BRPF3: variants seen among roughly 807,000 people sequenced by gnomAD.
BRPF3 encodes the protein bromodomain and PHD finger-containing protein 3.
In BRPF3, 18 loss-of-function variants were observed where a neutral mutation model predicts 102.0. The ratio of observed to expected loss-of-function variants is 0.18; its 90% CI spans 0.12 to 0.26. The LOEUF (loss-of-function observed/expected upper bound fraction) is 0.26. Among genes scored for constraint, BRPF3 ranks in the 10% least tolerant of loss-of-function variants. The pLI, the probability that BRPF3 is intolerant of heterozygous loss-of-function variation, is 1.00. For synonymous variants in BRPF3, 570 were observed against 614.2 expected, an observed-to-expected ratio of 0.93 and a Z score of 1.06; for missense variants, 1,147 against 1,567.8, an observed-to-expected ratio of 0.73 and a Z score of 4.53.
intron 8 of BRPF3, 32 bp from the exon 9 acceptor site, chr6:36,217,883 CTG>C: frequency 6.3e-7 from 1 of 1,598,244 alleles, no homozygotes; most frequent in Non-Finnish European, 8.6e-7. Context: ...AGGGGGATTT[CTG>C]CACTCAGACT....
intron 1 of BRPF3, among the ~76,000 whole-genome samples, chr6:36,198,291 A>C (rs1158402404): frequency 6.6e-6 from 1 of 152,236 alleles, no homozygotes; most frequent in Non-Finnish European, 1.5e-5. Flanking sequence ...CCTTATTAAC[A>C]AGTAGCACCT....
intron 10 of BRPF3, among the ~76,000 whole-genome samples, chr6:36,223,073 A>G (rs1561833377): frequency 6.6e-6 from 1 of 152,118 alleles, no homozygotes; most frequent in East Asian, 1.9e-4. Flanking sequence ...CCTGGGGGAG[A>G]GGCCTGGGGT....
Position 36,214,146 on chromosome 6 carries a change from G to A in BRPF3, c.2749G>A (p.Gly917Ser), listed in dbSNP as rs374697575. The A allele has an allele frequency of 5.9e-5, 96 of 1,614,070 alleles. No homozygotes were observed. The highest frequency in any genetic ancestry group is 7.3e-5 in the Non-Finnish European group (86 of 1,180,038). ...LSLMAPDTPA[G>S]TPLSGVGRRT... ...CCTCATGGCCCCTGACACCCCGGCCGGTACCCCACTTAGTGGTGTGGGTCG... is the reference window on the plus strand; with the variant it reads ...CCTCATGGCCCCTGACACCCCGGCCAGTACCCCACTTAGTGGTGTGGGTCG... Residue 917 changes from glycine to serine, a missense_variant, in exon 8 of 13, where the codon GGT becomes AGT. Physicochemically the swap from Gly to Ser is moderately conservative, Grantham distance 56. Coordinates refer to ENST00000357641, the MANE Select transcript of BRPF3 (RefSeq NM_015695.3).
At chr6:36,203,738 A>G (rs1054060956) in intron 2 of BRPF3, among the ~76,000 whole-genome samples, 1 of 152,354 alleles carries the variant, frequency 6.6e-6, no homozygotes, top group East Asian at 1.9e-4. Flanking sequence ...CCACAAGAGC[A>G]CTGAGGCCTT....
At position 36,207,497 on chromosome 6, in the gene BRPF3, C is replaced by T. The variant is rs919413381; in HGVS notation, c.1737+53C>T. ...CCTAGTTCAAGGCCACTTTCTCCCA[C>T]TATTAGTCTAGTATTGGGAAATCTG... On this transcript the variant is annotated intron_variant, in intron 4 of 12. Transcript: ENST00000357641. 1.9e-6 allele frequency: 3 copies of T among 1,598,158 alleles called. No homozygotes were observed. In the African/African-American group the frequency reaches 4.0e-5, roughly 22 times the overall value.
chr6:36,226,587 G>A (rs1047212135), intron 11 of BRPF3, among the ~76,000 whole-genome samples: 4 of 152,058 alleles, frequency 2.6e-5, no homozygotes, highest in Non-Finnish European at 4.4e-5. Context: ...GCCAGGGTTG[G>A]GAACCACCCC....
At position 36,209,813 on chromosome 6, in the gene BRPF3, G is replaced by A; in HGVS notation, c.1764G>A (p.Glu588=). ...TCAAAGTCCAGCAGGCTGCCATGGA[G>A]CTGGAGCTGATGCCATTCAATGTTC... The part of the protein sequence containing the change: ...EQVKVQQAAM[E]LELMPFNVLL... Residue 588 remains glutamate, a synonymous_variant, in exon 5 of 13, where the codon GAG becomes GAA. Coordinates refer to ENST00000357641, the MANE Select transcript of BRPF3 (RefSeq NM_015695.3). 2 of 1,614,208 alleles carry A rather than the reference G, an allele frequency of 1.2e-6. No individual in the cohort carries two copies. The highest frequency in any genetic ancestry group is 1.7e-6 in the Non-Finnish European group (2 of 1,180,030).
In BRPF3 at chr6:36,207,305, T is replaced by A; in HGVS notation, c.1606-8T>A. Reference sequence around the variant, plus strand: ...GGTTCCTAGTCCCTCTTCTCTTCCCTCCTGTAGCGAGAGCAGGATGAGAAG... The same window carrying A: ...GGTTCCTAGTCCCTCTTCTCTTCCCACCTGTAGCGAGAGCAGGATGAGAAG... On this transcript the variant is annotated splice_region_variant and splice_polypyrimidine_tract_variant and intron_variant, in intron 3 of 12. Transcript: ENST00000357641. 1.2e-6 allele frequency: 2 copies of A among 1,613,068 alleles called. No homozygotes were observed. The highest frequency in any genetic ancestry group is 1.7e-6 in the Non-Finnish European group (2 of 1,179,532).
rs1198082892 is a variant in BRPF3 at position 36,201,574 on chromosome 6, G to A, written c.1252G>A (p.Gly418Arg). 10 of 1,613,996 alleles carry A rather than the reference G, an allele frequency of 6.2e-6. No individual in the cohort carries two copies. Among genetic ancestry groups the A allele is most frequent in the Non-Finnish European group, 8.5e-6 (10 of 1,179,920 alleles). The change falls in exon 2 of 13, where the codon GGA becomes AGA. Residue 418 changes from glycine (G) to arginine (R), a missense_variant. Transcript: ENST00000357641. This position sits in a 1 kb window ranked among gnomAD's most constrained non-coding sequence, Gnocchi z 5.1. ...TGAGGAAGGGCTGAAGGAGGGTGAT[G>A]GAGAGGAGGAAGAAGAGGAAGAGGT... is the stretch of plus-strand genomic sequence containing the variant. ...GDEEGLKEGD[G>R]EEEEEEEVEE...
chr6:36,213,733 C>A, intron 7 of BRPF3, 147 bp from the exon 8 acceptor site: 2 of 813,078 alleles, frequency 2.5e-6, no homozygotes, highest in Non-Finnish European at 3.9e-6. Context: ...ATCCTCCTTT[C>A]TCTTTGCTTC....
Position 36,209,838 on chromosome 6 carries a change from C to A in BRPF3, c.1789C>A (p.Leu597Met), listed in dbSNP as rs758150945. 6.2e-7 allele frequency: 1 copy of A among 1,614,190 alleles called. No individual in the cohort carries two copies. Among genetic ancestry groups the A allele is most frequent in the Non-Finnish European group, 8.5e-7 (1 of 1,180,022 alleles). The change falls in exon 5 of 13, where the codon CTG (leucine) becomes ATG (methionine). Residue 597 changes from leucine to methionine, a missense_variant. This residue lies in a region of BRPF3 where 44 missense variants were observed against 38.6 expected (regional missense o/e 1.14). Coordinates refer to ENST00000357641, the MANE Select transcript of BRPF3 (RefSeq NM_015695.3). Reference protein sequence around the residue: ...MELELMPFNVLLRTTLDLLQE... With the variant: ...MELELMPFNVMLRTTLDLLQE... ...GCTGGAGCTGATGCCATTCAATGTT[C>A]TGTTGAGGACAACACTGGACCTGCT... is the stretch of plus-strand genomic sequence containing the variant.
In BRPF3 at chr6:36,230,931, T is replaced by C; in HGVS notation, c.*322T>C. The C allele has an allele frequency of 3.3e-6, 1 of 304,334 alleles. No homozygotes were observed. The highest frequency in any genetic ancestry group is 6.2e-6 in the Non-Finnish European group (1 of 160,966). The allele number at this position is 304,334 out of a possible 1,614,324, so 18.9% of individuals were successfully genotyped here. A position where few individuals can be genotyped will look rare whatever the true frequency, so the allele number is the denominator to read the frequency against. ...AGATGGCAAGAGGTCCTGGGCTCCT[T>C]CTTGAGGGGCTGCCTGGCCCGCTCC... On this transcript the variant is annotated 3_prime_UTR_variant, in exon 13 of 13. Coordinates refer to ENST00000357641, the MANE Select transcript of BRPF3 (RefSeq NM_015695.3). The surrounding 1 kb of genome is among the most constrained non-coding windows in gnomAD (Gnocchi z 5.4).
chr6:36,207,585 A>T (rs2127281300), intron 4 of BRPF3, 141 bp downstream of exon 4: 1 of 1,184,652 alleles, frequency 8.4e-7, no homozygotes, highest in South Asian at 1.7e-5. Flanking sequence ...AGGCTCCAAG[A>T]TCTGCCTACT....
chr6:36,213,717 A>G (rs1057316055), intron 7 of BRPF3, 163 bp from the exon 8 acceptor site: 3 of 793,226 alleles, frequency 3.8e-6, no homozygotes, highest in Non-Finnish European at 6.0e-6. Context: ...AAAAAAAAAA[A>G]ACCTAATCCT....
chr6:36,206,382 G>A (rs985967031), intron 3 of BRPF3, among the ~76,000 whole-genome samples: 6 of 152,120 alleles, frequency 3.9e-5, no homozygotes, highest in Admixed American at 6.5e-5. Flanking sequence ...GAGGAGCAAG[G>A]CCTAGGTGAG....
rs1202197699 is a variant in BRPF3, at chr6:36,214,443, G to A, written c.2989+57G>A. On this transcript the variant is annotated intron_variant, in intron 8 of 12. Transcript: ENST00000357641. ...CGCATCTGCTTTTCTGCTTTGCCTT[G>A]CCAACCAGCACCTTCCCCAATTGGC... is the stretch of plus-strand genomic sequence containing the variant. 10 of 1,498,984 alleles carry A rather than the reference G, an allele frequency of 6.7e-6. No individual in the cohort carries two copies. The Admixed American group carries it at 2.2e-4, about 33-fold the overall frequency. The allele number at this position is 1,498,984 out of a possible 1,614,324, so 92.9% of individuals were successfully genotyped here.
intron 3 of BRPF3, 117 bp downstream of exon 3, chr6:36,204,931 C>G (rs1399765273): frequency 7.1e-7 from 1 of 1,401,962 alleles, no homozygotes; most frequent in African/African-American, 1.4e-5. Context: ...CTTTGCCTAC[C>G]TGTCTGGGTG....
chr6:36,210,146 G>C lies in BRPF3; in HGVS notation c.1867-70G>C, dbSNP rs1768049243. The C allele has an allele frequency of 6.4e-7, 1 of 1,565,844 alleles. No homozygotes were observed. Among genetic ancestry groups the C allele is most frequent in the Non-Finnish European group, 8.8e-7 (1 of 1,137,982 alleles). On this transcript the variant is annotated intron_variant, in intron 5 of 12. Coordinates refer to ENST00000357641, the MANE Select transcript of BRPF3 (RefSeq NM_015695.3). This position sits in a 1 kb window ranked among gnomAD's most constrained non-coding sequence, Gnocchi z 4.7. ...AAATCAGAAATTGAGGAGGCCAAGA[G>C]TATTGGTGAAGGGTGTGTCTGTTTG...
chr6:36,198,916 A>G lies in BRPF3; in HGVS notation c.-26-1381A>G, dbSNP rs989501038. Among the ~76,000 whole-genome samples the G allele has an allele frequency of 2.6e-5, 4 of 152,186 alleles. No individual in the cohort carries two copies. In the South Asian group the frequency reaches 8.3e-4, roughly 32 times the overall value. ...AGACTAGATATGAGTGTTCTGGGAGAGACTTTTGAGGTAACAGAATGCATT... is the reference window on the plus strand; with the variant it reads ...AGACTAGATATGAGTGTTCTGGGAGGGACTTTTGAGGTAACAGAATGCATT... On this transcript the variant is annotated intron_variant, in intron 1 of 12. Coordinates refer to ENST00000357641, the MANE Select transcript of BRPF3 (RefSeq NM_015695.3).
Sources: allele counts gnomAD v4.1 joint callset (sites outside exome capture counted in the v4.1 genomes callset), GRCh38; gene constraint gnomAD v4.1.1; regional missense constraint gnomAD v4.1.1; non-coding constraint Gnocchi (gnomAD v3.1); transcripts MANE v1.5; gene names NCBI Gene and HGNC (gene_info 2026-07-23, HGNC 2026-07-21).